The following MGAT4C variants were observed in gnomAD, a reference collection of about 807,000 sequenced individuals.
The protein encoded by MGAT4C is alpha-1,3-mannosyl-glycoprotein 4-beta-N-acetylglucosaminyltransferase C.
A neutral mutation model predicts 40.1 loss-of-function variants in MGAT4C; 19 were observed. The observed-to-expected ratio is 0.47, with a 90% CI of 0.33 to 0.70. MGAT4C has a LOEUF of 0.70. Among genes scored for constraint, MGAT4C ranks in the 30% least tolerant of loss-of-function variants. MGAT4C has a pLI of 0.02. For missense variants in MGAT4C, 491 were observed against 563.2 expected (o/e 0.87, Z 1.30); for synonymous variants, 181 against 187.1 (o/e 0.97, Z 0.27).
rs1334960844 is a variant in MGAT4C at position 86,309,281 on chromosome 12, CA to C, written c.-57+24783del. Among the ~76,000 whole-genome samples, 23 of 141,158 alleles carry C rather than the reference CA, an allele frequency of 1.6e-4. 2 individuals are homozygous for C. Among genetic ancestry groups the C allele is most frequent in the East Asian group, 6.4e-4 (3 of 4,712 alleles). The allele number at this position is 141,158 out of a possible 152,430, so 92.6% of individuals were successfully genotyped here. On this transcript the variant is annotated intron_variant, in intron 4 of 7. Coordinates refer to the MGAT4C transcript ENST00000548651. Reference sequence around the variant, plus strand: ...GCAAGTGTATTCAGCTTACCACCACCAAAAAACTTAGTTGCCAAATACAAGT... The same window carrying C: ...GCAAGTGTATTCAGCTTACCACCACCAAAAACTTAGTTGCCAAATACAAGT...
chr12:86,140,800 T>C (rs1265592694), intron 1 of MGAT4C, among the ~76,000 whole-genome samples: 2 of 152,236 alleles, frequency 1.3e-5, no homozygotes, highest in African/African-American at 4.8e-5. Flanking sequence ...TCATTATACA[T>C]GCTGAATGAG....
intron 3 of MGAT4C, among the ~76,000 whole-genome samples, chr12:86,398,053 GAAC>G (rs1384928917): frequency 6.6e-6 from 1 of 152,148 alleles, no homozygotes; most frequent in African/African-American, 2.4e-5. Flanking sequence ...ATTTAGTTGG[GAAC>G]AACAACAAAC....
At chr12:86,210,492 C>T (rs1299092793) in intron 1 of MGAT4C, among the ~76,000 whole-genome samples, 1 of 152,186 alleles carries the variant, frequency 6.6e-6, no homozygotes, top group Non-Finnish European at 1.5e-5. Context: ...ATAAGCTCAG[C>T]TTTAGTCCAG....
intron 2 of MGAT4C, among the ~76,000 whole-genome samples, chr12:86,521,409 A>G (rs556215146): frequency 1.3e-5 from 2 of 152,098 alleles, no homozygotes; most frequent in East Asian, 1.9e-4. Context: ...TGAGTTCTCT[A>G]TTCTGTTCCA....
intron 2 of MGAT4C, among the ~76,000 whole-genome samples, chr12:86,477,193 A>G (rs1235489060): frequency 2.0e-5 from 3 of 152,054 alleles, no homozygotes; most frequent in Admixed American, 2.0e-4. Flanking sequence ...ACATTGAAAA[A>G]AAAGAAAATG....
chr12:86,479,126 A>C (rs1218291420), intron 2 of MGAT4C, among the ~76,000 whole-genome samples: 1 of 152,014 alleles, frequency 6.6e-6, no homozygotes, highest in Non-Finnish European at 1.5e-5. Flanking sequence ...AACTATGAAA[A>C]ATTTACATTT....
chr12:86,818,844 C>A (rs552425005), intron 1 of MGAT4C, among the ~76,000 whole-genome samples: 2 of 150,966 alleles, frequency 1.3e-5, no homozygotes, highest in South Asian at 2.1e-4. Context: ...ACATTCTTAA[C>A]GAATGGACAA....
intron 2 of MGAT4C, among the ~76,000 whole-genome samples, chr12:86,441,669 A>C (rs1957231274): frequency 6.6e-6 from 1 of 151,984 alleles, no homozygotes; most frequent in South Asian, 2.1e-4. Context: ...CCTACAAAGG[A>C]CATGAACTCA....
At chr12:86,121,213 ATG>A (rs1879321675) in intron 1 of MGAT4C, among the ~76,000 whole-genome samples, 1 of 152,202 alleles carries the variant, frequency 6.6e-6, no homozygotes, top group African/African-American at 2.4e-5. Context: ...GTAAAAAGAA[ATG>A]AACAAAGCCT....
At position 86,801,593 on chromosome 12, in the gene MGAT4C, G is replaced by A. The variant is rs190257557; in HGVS notation, c.-262+37073C>T. Among the ~76,000 whole-genome samples the A allele has an allele frequency of 5.9e-5, 9 of 151,910 alleles. No individual in the cohort carries two copies. The East Asian group carries it at 1.6e-3, about 26-fold the overall frequency. On this transcript the variant is annotated intron_variant, in intron 1 of 7. Coordinates refer to the MGAT4C transcript ENST00000548651. ...TTGGAATGATAATGAGGGCTAAGGT[G>A]AAGGGGAGTACAGATGGGCAGCTGA... is the stretch of plus-strand genomic sequence containing the variant.
chr12:86,820,437 T>C (rs1184063186), intron 1 of MGAT4C, among the ~76,000 whole-genome samples: 1 of 150,822 alleles, frequency 6.6e-6, no homozygotes, highest in Non-Finnish European at 1.5e-5. Flanking sequence ...TAACTTTCGA[T>C]TGACTTATGA....
intron 2 of MGAT4C, among the ~76,000 whole-genome samples, chr12:86,720,593 A>G (rs901256720): frequency 1.3e-5 from 2 of 152,156 alleles, no homozygotes; most frequent in Non-Finnish European, 2.9e-5. Context: ...ATCTCCTTTT[A>G]AAGTCTCACT....
intron 2 of MGAT4C, among the ~76,000 whole-genome samples, chr12:86,697,231 T>C (rs1163782371): frequency 6.6e-6 from 1 of 152,104 alleles, no homozygotes; most frequent in Non-Finnish European, 1.5e-5. Flanking sequence ...AAGTAGAGAT[T>C]ACATGCAATA....
At chr12:86,190,649 C>T (rs1040740398) in intron 1 of MGAT4C, among the ~76,000 whole-genome samples, 2 of 151,866 alleles carry the variant, frequency 1.3e-5, no homozygotes, top group Admixed American at 6.6e-5. Flanking sequence ...TTTTTGAGCT[C>T]ACAATTTTAC....
At chr12:86,301,729 CAT>C (rs1953817038) in intron 4 of MGAT4C, among the ~76,000 whole-genome samples, 1 of 152,162 alleles carries the variant, frequency 6.6e-6, no homozygotes, top group African/African-American at 2.4e-5. Context: ...AACAATGAAA[CAT>C]ACTCTAACAT....
At chr12:86,603,800 T>TATATACTATATAATATATAGTATATATA (rs1961939756) in intron 2 of MGAT4C, among the ~76,000 whole-genome samples, 5 of 132,724 alleles carry the variant, frequency 3.8e-5, no homozygotes, top group Admixed American at 8.5e-5. Context: ...ATAGTATATA[T>TATATACTATATAATATATAGTATATATA]ATTATATAGT....
At position 86,735,478 on chromosome 12, in the gene MGAT4C, T is replaced by A. The variant is rs540451730; in HGVS notation, c.-261-8237A>T. On this transcript the variant is annotated intron_variant, in intron 1 of 7. Transcript: ENST00000548651. ...GATGGTTAAAGCTTAGCAGAAATAA[T>A]TGCCTGGAAGCAGCACAAGGAAGCA... Among the ~76,000 whole-genome samples, 10 of 151,884 alleles carry A rather than the reference T, an allele frequency of 6.6e-5. No individual in the cohort carries two copies. In the South Asian group the frequency reaches 2.1e-3, roughly 32 times the overall value.
intron 2 of MGAT4C, among the ~76,000 whole-genome samples, chr12:86,523,590 A>G (rs1300092699): frequency 6.6e-6 from 1 of 152,142 alleles, no homozygotes; most frequent in Non-Finnish European, 1.5e-5. Context: ...AGTTCCACAT[A>G]TTTCAATCAG....
chr12:86,246,003 A>C (rs541142141), intron 1 of MGAT4C, among the ~76,000 whole-genome samples: 53 of 152,240 alleles, frequency 3.5e-4, no homozygotes, highest in African/African-American at 1.3e-3. Context: ...ATACACATTA[A>C]TTGTACATTC....
Sources: gnomAD v4.1 joint callset for allele counts (sites outside exome capture counted in the v4.1 genomes callset) on GRCh38, gnomAD v4.1.1 for gene constraint, MANE v1.5 for transcripts, NCBI Gene and HGNC (gene_info 2026-07-23, HGNC 2026-07-21) for gene names.